Variants in NBEA observed in about 807,000 individuals in gnomAD.
NBEA encodes neurobeachin, also known as lysosomal-trafficking regulator 2.
A neutral mutation model predicts 343.4 loss-of-function variants in NBEA; 44 were observed. That is an observed-to-expected ratio of 0.13 (90% CI 0.10 to 0.16). NBEA has a LOEUF of 0.16. NBEA is among the 10% of genes least tolerant of loss of function. NBEA has a pLI of 1.00. For missense variants in NBEA, 2,555 were observed against 3,631.3 expected (o/e 0.70, Z 7.62); for synonymous variants, 1,175 against 1,238.7 (o/e 0.95, Z 1.08).
intron 18 of NBEA, among the ~76,000 whole-genome samples, chr13:35,150,293 G>T (rs796070068): frequency 6.6e-5 from 10 of 152,170 alleles, no homozygotes; most frequent in African/African-American, 1.9e-4. Context: ...GATGATAAAT[G>T]ATTGGTTATC....
chr13:35,529,354 G>C (rs1258122100), intron 41 of NBEA, among the ~76,000 whole-genome samples: 2 of 152,204 alleles, frequency 1.3e-5, no homozygotes, highest in South Asian at 4.2e-4. Flanking sequence ...TCTATTTTTA[G>C]AAATCAAAAT....
chr13:35,658,211 A>G (rs2084911972), intron 55 of NBEA, among the ~76,000 whole-genome samples: 1 of 152,230 alleles, frequency 6.6e-6, no homozygotes, highest in Non-Finnish European at 1.5e-5. Context: ...AGATTATCTT[A>G]AAGATATTAT....
At chr13:35,543,349 T>C (rs978382065) in intron 41 of NBEA, among the ~76,000 whole-genome samples, 1 of 152,204 alleles carries the variant, frequency 6.6e-6, no homozygotes, top group Non-Finnish European at 1.5e-5. Flanking sequence ...CATGTCGAAG[T>C]TGTATTATAG....
chr13:35,633,203 C>T (rs1201742922), intron 49 of NBEA, among the ~76,000 whole-genome samples: 3 of 150,958 alleles, frequency 2.0e-5, no homozygotes, highest in Non-Finnish European at 4.4e-5. Flanking sequence ...CCCGGGTTCA[C>T]GCCATTCTCC....
At chr13:35,223,980 C>T (rs1418568764) in intron 33 of NBEA, among the ~76,000 whole-genome samples, 1 of 152,122 alleles carries the variant, frequency 6.6e-6, no homozygotes, top group East Asian at 1.9e-4. Flanking sequence ...ACACATGGAC[C>T]TGTTTATTTG....
At chr13:35,508,075 A>G (rs2077139131) in intron 41 of NBEA, among the ~76,000 whole-genome samples, 1 of 152,176 alleles carries the variant, frequency 6.6e-6, no homozygotes, top group South Asian at 2.1e-4. Flanking sequence ...CAATTGGTAG[A>G]TGAAGAAATA....
chr13:35,042,406 T>TA (rs2062686237), intron 2 of NBEA, among the ~76,000 whole-genome samples: 2 of 151,856 alleles, frequency 1.3e-5, no homozygotes, highest in Admixed American at 1.3e-4. Flanking sequence ...AATATAGACT[T>TA]ACATGTACAC....
At chr13:35,551,598 G>A (rs1812236682) in intron 43 of NBEA, among the ~76,000 whole-genome samples, 1 of 152,078 alleles carries the variant, frequency 6.6e-6, no homozygotes, top group South Asian at 2.1e-4. Context: ...TTATATTGCT[G>A]ATATCAGTTT....
intron 34 of NBEA, among the ~76,000 whole-genome samples, chr13:35,276,336 G>A (rs1235384646): frequency 6.6e-6 from 1 of 152,074 alleles, no homozygotes; most frequent in African/African-American, 2.4e-5. Context: ...TTACCCTCAG[G>A]CATCTGGTGT....
At chr13:35,510,279 A>G (rs2077226938) in intron 41 of NBEA, among the ~76,000 whole-genome samples, 1 of 152,196 alleles carries the variant, frequency 6.6e-6, no homozygotes. Context: ...CACAACTTAA[A>G]TAAGTTTAAG....
chr13:35,169,775 CTCTT>C (rs757905450), intron 25 of NBEA, among the ~76,000 whole-genome samples: 7 of 151,532 alleles, frequency 4.6e-5, no homozygotes, highest in South Asian at 2.1e-4. Context: ...GAATTTTTTG[CTCTT>C]TCTTATGAGC....
chr13:35,455,712 T>C (rs973377303), intron 40 of NBEA, among the ~76,000 whole-genome samples: 1 of 152,118 alleles, frequency 6.6e-6, no homozygotes, highest in Non-Finnish European at 1.5e-5. Flanking sequence ...CAGCTTTGTG[T>C]GCAGTAACCC....
chr13:35,208,976 A>C (rs2073584777), intron 32 of NBEA, 122 bp downstream of exon 32: 2 of 837,610 alleles, frequency 2.4e-6, no homozygotes, highest in Non-Finnish European at 3.5e-6. Context: ...ATTTTTAAGA[A>C]GGTTATATTT....
intron 1 of NBEA, among the ~76,000 whole-genome samples, chr13:35,033,812 G>C (rs2062334292): frequency 1.3e-5 from 2 of 151,626 alleles, no homozygotes; most frequent in Admixed American, 1.3e-4. Context: ...ATTGTTCACT[G>C]TTGGCATATA....
intron 55 of NBEA, among the ~76,000 whole-genome samples, chr13:35,657,477 T>A (rs964013983): frequency 1.1e-4 from 16 of 152,244 alleles, no homozygotes; most frequent in Admixed American, 1.0e-3. Flanking sequence ...TTTACTCTTT[T>A]GTAAAGCCAT....
intron 38 of NBEA, among the ~76,000 whole-genome samples, chr13:35,394,718 T>C (rs1476136570): frequency 2.6e-5 from 4 of 152,134 alleles, no homozygotes; most frequent in African/African-American, 9.7e-5. Flanking sequence ...CCAGCTAAAT[T>C]TGCAAATTCT....
At chr13:35,240,143 T>C (rs2029967885) in intron 34 of NBEA, among the ~76,000 whole-genome samples, 1 of 151,766 alleles carries the variant, frequency 6.6e-6, no homozygotes. Flanking sequence ...GTAATGATAA[T>C]TTAGAAAATG....
intron 56 of NBEA, 125 bp downstream of exon 56, chr13:35,665,311 T>G: frequency 1.5e-6 from 1 of 680,688 alleles, no homozygotes; most frequent in Non-Finnish European, 2.5e-6. Context: ...AAGTTATTTG[T>G]AGATGTTTAG....
At chr13:35,417,345 T>A (rs2043976504) in intron 38 of NBEA, among the ~76,000 whole-genome samples, 2 of 152,186 alleles carry the variant, frequency 1.3e-5, no homozygotes, top group Non-Finnish European at 2.9e-5. Flanking sequence ...CAATTTTAGA[T>A]CTTTCCTGCT....
Sources: gnomAD v4.1 joint callset for allele counts (sites outside exome capture counted in the v4.1 genomes callset) on GRCh38, gnomAD v4.1.1 for gene constraint, MANE v1.5 for transcripts, NCBI Gene and HGNC (gene_info 2026-07-23, HGNC 2026-07-21) for gene names.